The following CAMTA1 variants were observed in gnomAD, a reference collection of about 807,000 sequenced individuals.
The protein encoded by CAMTA1 is calmodulin binding transcription activator 1, also known as calmodulin-binding transcription activator 1.
CAMTA1 carries 27 observed loss-of-function variants against 170.9 expected under a neutral mutation model. The ratio of observed to expected loss-of-function variants is 0.16; its 90% CI spans 0.12 to 0.22. The LOEUF is 0.22. Among genes scored for constraint, CAMTA1 ranks in the 10% least tolerant of loss-of-function variants. The pLI, the probability that CAMTA1 is intolerant of heterozygous loss-of-function variation, is 1.00. For missense variants in CAMTA1, 1,619 were observed against 2,217.2 expected (o/e 0.73, Z 5.42); for synonymous variants, 833 against 891.5 (o/e 0.93, Z 1.17).
intron 3 of CAMTA1, among the ~76,000 whole-genome samples, chr1:6,975,855 C>G (rs184221101): frequency 1.2e-4 from 18 of 152,360 alleles, no homozygotes; most frequent in Admixed American, 7.8e-4. Flanking sequence ...TGCTTTCTAT[C>G]TCTATGGATC....
chr1:6,928,988 C>T (rs1683867048), intron 3 of CAMTA1, among the ~76,000 whole-genome samples: 1 of 152,112 alleles, frequency 6.6e-6, no homozygotes, highest in Non-Finnish European at 1.5e-5. Flanking sequence ...GTGGGGCTTC[C>T]GCAGGACAGT....
chr1:7,310,659 C>CT (rs56760357), intron 5 of CAMTA1, among the ~76,000 whole-genome samples: 52 of 42,108 alleles, frequency 1.2e-3, no homozygotes, highest in African/African-American at 3.2e-3. Flanking sequence ...TTCTTTCTTT[C>CT]TTTCTTTCTT....
intron 4 of CAMTA1, among the ~76,000 whole-genome samples, chr1:7,226,781 C>T (rs1661772052): frequency 6.6e-6 from 1 of 152,108 alleles, no homozygotes; most frequent in Non-Finnish European, 1.5e-5. Context: ...ATCTACTATT[C>T]TATCAATATC....
At chr1:7,185,734 C>A (rs945826593) in intron 4 of CAMTA1, among the ~76,000 whole-genome samples, 4 of 152,136 alleles carry the variant, frequency 2.6e-5, no homozygotes, top group African/African-American at 9.7e-5. Context: ...CTGTGATATT[C>A]CTGCCCAAAA....
At chr1:6,800,546 A>G (rs1315561284) in intron 1 of CAMTA1, among the ~76,000 whole-genome samples, 1 of 152,202 alleles carries the variant, frequency 6.6e-6, no homozygotes, top group Non-Finnish European at 1.5e-5. Context: ...AAATAGACTT[A>G]AATAATATAT....
rs561487784 is a variant in CAMTA1, at chr1:7,204,893, G to A, written c.303-44598G>A. 3.7e-5 allele frequency among the ~76,000 whole-genome samples: 5 copies of A among 133,718 alleles called. No individual in the cohort carries two copies. In the East Asian group the frequency reaches 9.5e-4, roughly 25 times the overall value. The allele number at this position is 133,718 out of a possible 152,430, so 87.7% of individuals were successfully genotyped here. On this transcript the variant is annotated intron_variant, in intron 4 of 22. Coordinates refer to ENST00000303635, the MANE Select transcript of CAMTA1 (RefSeq NM_015215.4). ...CACCCAGGCTGAAGTGCAGTGGCAC[G>A]ACCTCGGCTCACTGCAAGCTCTGCC...
At chr1:7,645,810 A>T (rs998030491) in intron 7 of CAMTA1, among the ~76,000 whole-genome samples, 22 of 152,362 alleles carry the variant, frequency 1.4e-4, no homozygotes, top group African/African-American at 4.8e-4. Flanking sequence ...CTACGCCCAC[A>T]CCACACAAGT....
At chr1:6,944,380 C>T (rs1190607564) in intron 3 of CAMTA1, among the ~76,000 whole-genome samples, 3 of 152,132 alleles carry the variant, frequency 2.0e-5, no homozygotes, top group African/African-American at 7.2e-5. Context: ...CTGTTCAACC[C>T]GGGCCTTCCT....
intron 3 of CAMTA1, among the ~76,000 whole-genome samples, chr1:6,864,326 G>A (rs888745359): frequency 6.6e-6 from 1 of 152,102 alleles, no homozygotes; most frequent in Non-Finnish European, 1.5e-5. Flanking sequence ...GTGCGCAGAC[G>A]GTATTGAGCG....
At chr1:6,802,185 T>C (rs1001571884) in intron 1 of CAMTA1, among the ~76,000 whole-genome samples, 2 of 152,216 alleles carry the variant, frequency 1.3e-5, no homozygotes, top group African/African-American at 4.8e-5. Flanking sequence ...ACATGTCTTC[T>C]CTGGAGCTGG....
intron 11 of CAMTA1, among the ~76,000 whole-genome samples, chr1:7,709,329 A>T (rs1003070724): frequency 1.3e-5 from 2 of 152,198 alleles, no homozygotes; most frequent in Admixed American, 1.3e-4. Context: ...GATGCTACTC[A>T]TTAGATAGGG....
At chr1:6,899,399 C>T (rs748424817) in intron 3 of CAMTA1, among the ~76,000 whole-genome samples, 10 of 152,242 alleles carry the variant, frequency 6.6e-5, no homozygotes, top group Non-Finnish European at 1.0e-4. Context: ...CCCTGTAGGG[C>T]TGGGTATACA....
chr1:7,245,339 A>C (rs779135112), intron 4 of CAMTA1, among the ~76,000 whole-genome samples: 22 of 151,294 alleles, frequency 1.5e-4, no homozygotes, highest in Non-Finnish European at 3.2e-4. Flanking sequence ...TATATATAAT[A>C]TATATTATAC....
chr1:7,555,443 C>T (rs1449869036), intron 6 of CAMTA1, among the ~76,000 whole-genome samples: 1 of 152,096 alleles, frequency 6.6e-6, no homozygotes, highest in Non-Finnish European at 1.5e-5. Flanking sequence ...GGCCACCCCA[C>T]AGCCCTGCTC....
At chr1:6,817,273 GT>G (rs1433174618) in intron 1 of CAMTA1, among the ~76,000 whole-genome samples, 1 of 152,162 alleles carries the variant, frequency 6.6e-6, no homozygotes, top group Non-Finnish European at 1.5e-5. Context: ...TATACCGTCA[GT>G]TTTTGATAAT....
chr1:7,667,740 A>C (rs1257543551), intron 9 of CAMTA1, among the ~76,000 whole-genome samples: 1 of 151,016 alleles, frequency 6.6e-6, no homozygotes, highest in Non-Finnish European at 1.5e-5. Flanking sequence ...ACAGGAACGC[A>C]ATGGCAGCCT....
At position 7,641,768 on chromosome 1, in the gene CAMTA1, G is replaced by C. The variant is rs1459778408; in HGVS notation, c.664+1215G>C. On this transcript the variant is annotated intron_variant, in intron 7 of 22. Transcript: ENST00000303635. The surrounding 1 kb of genome is among the most constrained non-coding windows in gnomAD (Gnocchi z 4.5). The stretch of plus-strand genomic sequence containing the variant: ...CCGTGGGGAGGTTTGGACCAGGCTT[G>C]CCTCAGTGCTTCTGCCTGGAACCTC... 3.3e-5 allele frequency among the ~76,000 whole-genome samples: 5 copies of C among 152,110 alleles called. No homozygotes were observed. The highest frequency in any genetic ancestry group is 7.4e-5 in the Non-Finnish European group (5 of 68,008).
chr1:7,411,891 A>C (rs2090792282), intron 5 of CAMTA1, among the ~76,000 whole-genome samples: 1 of 149,486 alleles, frequency 6.7e-6, no homozygotes, highest in African/African-American at 2.5e-5. Flanking sequence ...TATATCTCCT[A>C]ATGCTATCCC....
intron 4 of CAMTA1, among the ~76,000 whole-genome samples, chr1:7,104,049 CA>C (rs1342651206): frequency 2.0e-5 from 3 of 150,548 alleles, no homozygotes; most frequent in South Asian, 2.1e-4. Flanking sequence ...ACAACACACA[CA>C]ACTACACAGA....
Sources: gnomAD v4.1 joint callset for allele counts (sites outside exome capture counted in the v4.1 genomes callset) on GRCh38, gnomAD v4.1.1 for gene constraint, Gnocchi (gnomAD v3.1) non-coding constraint, MANE v1.5 for transcripts, NCBI Gene and HGNC (gene_info 2026-07-23, HGNC 2026-07-21) for gene names.